PKIA: variants seen among roughly 807,000 people sequenced by gnomAD.
PKIA encodes the protein cAMP-dependent protein kinase inhibitor alpha, also known as PKI-alpha.
In PKIA, 4 loss-of-function variants were observed where a neutral mutation model predicts 7.6. The ratio of observed to expected loss-of-function variants is 0.52; its 90% confidence interval spans 0.26 to 1.20. PKIA has a LOEUF of 1.20. PKIA is among the 50% of genes most tolerant of loss of function. The pLI is 0.13. For missense variants in PKIA, 73 were observed against 86.2 expected (o/e 0.85, Z 0.61); for synonymous variants, 21 against 30.7 (o/e 0.68, Z 1.04).
Position 78,568,849 on chromosome 8 carries a change from T to C in PKIA, c.-156-3962T>C, listed in dbSNP as rs113018265. Among the ~76,000 whole-genome samples, 273 of 152,280 alleles carry C rather than the reference T, an allele frequency of 1.8e-3. 4 individuals are homozygous for C. Among genetic ancestry groups the C allele is most frequent in the Middle Eastern group, 6.8e-3 (2 of 294 alleles). On this transcript the variant is annotated intron_variant, in intron 1 of 3. Transcript: ENST00000396418. ...AGGTCATGGTTACAGACATGATCCATGACTTTTGTTTCAGAGGGACCAGGT... is the reference window on the plus strand; with the variant it reads ...AGGTCATGGTTACAGACATGATCCACGACTTTTGTTTCAGAGGGACCAGGT...
At chr8:78,540,289 A>G (rs1414315116) in intron 1 of PKIA, among the ~76,000 whole-genome samples, 3 of 152,014 alleles carry the variant, frequency 2.0e-5, no homozygotes, top group Non-Finnish European at 4.4e-5. Flanking sequence ...TAAGAACTCT[A>G]TCTGCTAAGC....
At chr8:78,581,601 G>A (rs73243275) in intron 2 of PKIA, among the ~76,000 whole-genome samples, 5,319 of 152,064 alleles carry the variant, frequency 0.035, 99 homozygotes, top group African/African-American at 0.044. Flanking sequence ...CACATCTTCT[G>A]AATCTAATCA....
intron 1 of PKIA, among the ~76,000 whole-genome samples, chr8:78,519,179 T>TAA (rs368638245): frequency 0.04 from 5,426 of 135,000 alleles, 111 homozygotes; most frequent in Non-Finnish European, 0.047. Context: ...TCCAATTGTG[T>TAA]AAAAAAAAAA....
intron 2 of PKIA, among the ~76,000 whole-genome samples, chr8:78,588,412 G>A (rs1474565324): frequency 2.0e-5 from 3 of 152,264 alleles, no homozygotes; most frequent in Middle Eastern, 3.4e-3. Flanking sequence ...CCCAGGAGGC[G>A]GAGGTTGCGG....
chr8:78,565,765 C>T (rs1807397481), intron 1 of PKIA, among the ~76,000 whole-genome samples: 1 of 151,808 alleles, frequency 6.6e-6, no homozygotes, highest in African/African-American at 2.4e-5. Flanking sequence ...AGCAGGCACT[C>T]ACGGCATTGT....
intron 2 of PKIA, among the ~76,000 whole-genome samples, chr8:78,588,252 G>A (rs905018138): frequency 5.3e-5 from 8 of 152,026 alleles, no homozygotes; most frequent in South Asian, 2.1e-4. Flanking sequence ...AGGCTGAGGC[G>A]GGTGGATCAC....
chr8:78,557,759 T>A (rs1369609845), intron 1 of PKIA, among the ~76,000 whole-genome samples: 5 of 152,322 alleles, frequency 3.3e-5, no homozygotes, highest in Admixed American at 3.3e-4. Flanking sequence ...GACAGCTATG[T>A]CAGGAACTTC....
At chr8:78,539,468 A>G (rs1806617653) in intron 1 of PKIA, among the ~76,000 whole-genome samples, 1 of 152,068 alleles carries the variant, frequency 6.6e-6, no homozygotes, top group Non-Finnish European at 1.5e-5. Context: ...TATTTTCTCC[A>G]TAGTACTTCT....
chr8:78,582,566 AG>A (rs1807839433), intron 2 of PKIA, among the ~76,000 whole-genome samples: 1 of 152,144 alleles, frequency 6.6e-6, no homozygotes, highest in South Asian at 2.1e-4. Context: ...GGGAACACAA[AG>A]CCAAACTGTA....
intron 1 of PKIA, among the ~76,000 whole-genome samples, chr8:78,523,929 T>A (rs1274947684): frequency 9.2e-5 from 13 of 141,420 alleles, no homozygotes; most frequent in Admixed American, 7.3e-5. Flanking sequence ...TATATATATA[T>A]AAATATATAT....
intron 1 of PKIA, among the ~76,000 whole-genome samples, chr8:78,559,923 A>G (rs1405757882): frequency 6.6e-6 from 1 of 152,232 alleles, no homozygotes; most frequent in Non-Finnish European, 1.5e-5. Context: ...ATCTGACTCT[A>G]CATTCTCCAT....
At chr8:78,536,875 C>T (rs891807900) in intron 1 of PKIA, among the ~76,000 whole-genome samples, 105 of 122,800 alleles carry the variant, frequency 8.6e-4, no homozygotes, top group African/African-American at 2.9e-3. Context: ...CACACACACA[C>T]ACACACACAC....
chr8:78,554,737 G>A (rs1227704645), intron 1 of PKIA, among the ~76,000 whole-genome samples: 2 of 152,086 alleles, frequency 1.3e-5, no homozygotes, highest in Admixed American at 1.3e-4. Context: ...TTAGATTGTA[G>A]TTATACCTGA....
chr8:78,578,163 C>G (rs1807720711), intron 2 of PKIA, among the ~76,000 whole-genome samples: 1 of 151,780 alleles, frequency 6.6e-6, no homozygotes, highest in South Asian at 2.1e-4. Flanking sequence ...TAGTCTTCAC[C>G]CATAAAAATG....
At chr8:78,601,603 CAAGAA>C in intron 3 of PKIA, 134 bp from the exon 4 acceptor site, 1 of 681,196 alleles carries the variant, frequency 1.5e-6, no homozygotes, top group East Asian at 2.7e-5. Context: ...AACTGACTAC[CAAGAA>C]AATATACTTG....
At chr8:78,516,972 C>A (rs1364064443) in intron 1 of PKIA, among the ~76,000 whole-genome samples, 1 of 152,142 alleles carries the variant, frequency 6.6e-6, no homozygotes, top group Admixed American at 6.5e-5. Flanking sequence ...TTAGAAAGAG[C>A]CTCTATCTGG....
chr8:78,587,233 C>A (rs942078788), intron 2 of PKIA, among the ~76,000 whole-genome samples: 1 of 152,150 alleles, frequency 6.6e-6, no homozygotes, highest in African/African-American at 2.4e-5. Flanking sequence ...AAGTATCTTT[C>A]TTCCTTGGAC....
intron 1 of PKIA, among the ~76,000 whole-genome samples, chr8:78,541,490 C>G (rs546560379): frequency 6.6e-6 from 1 of 152,200 alleles, no homozygotes; most frequent in East Asian, 1.9e-4. Flanking sequence ...AATAGCACAT[C>G]CTTATTAAAC....
intron 1 of PKIA, among the ~76,000 whole-genome samples, chr8:78,561,840 A>G (rs1475693455): frequency 1.3e-5 from 2 of 152,226 alleles, no homozygotes; most frequent in Non-Finnish European, 2.9e-5. Flanking sequence ...AATGCACGTT[A>G]AGCATTGCAC....
Sources: allele counts gnomAD v4.1 joint callset (sites outside exome capture counted in the v4.1 genomes callset), GRCh38; gene constraint gnomAD v4.1.1; transcripts MANE v1.5; gene names NCBI Gene and HGNC (gene_info 2026-07-23, HGNC 2026-07-21).